Variants in LRRTM4 observed in about 807,000 individuals in gnomAD.
LRRTM4 encodes leucine rich repeat transmembrane neuronal 4.
LRRTM4 carries 25 observed loss-of-function variants against 47.6 expected under a neutral mutation model. The observed-to-expected ratio is 0.53, with a 90% CI of 0.38 to 0.73. The LOEUF is 0.73. Ranked by LOEUF, LRRTM4 falls within the 30% of genes least tolerant of loss-of-function variation. The pLI is 0.00. For synonymous variants in LRRTM4, 311 were observed against 269.5 expected, an observed-to-expected ratio of 1.15 and a Z score of -1.51; for missense variants, 638 against 713.4, an observed-to-expected ratio of 0.89 and a Z score of 1.20.
At chr2:77,440,407 C>T (rs1451826283) in intron 3 of LRRTM4, among the ~76,000 whole-genome samples, 1 of 151,894 alleles carries the variant, frequency 6.6e-6, no homozygotes, top group African/African-American at 2.4e-5. Context: ...GAGTGAGACT[C>T]CGCCTCAAAA....
intron 3 of LRRTM4, among the ~76,000 whole-genome samples, chr2:77,456,987 A>AGT (rs1676570709): frequency 3.1e-5 from 3 of 96,144 alleles, no homozygotes. Context: ...TGTATATATT[A>AGT]GTGTATGTGT....
rs146311234 is a variant in LRRTM4, at chr2:77,442,744, G to T, written c.1551+75574C>A. On this transcript the variant is annotated intron_variant, in intron 3 of 3. Coordinates refer to ENST00000409884, the MANE Select transcript of LRRTM4 (RefSeq NM_001134745.3). Reference sequence around the variant, plus strand: ...GTGAGCAACAAAAGCTACTTTTCTTGCTGATAGCACTTGGTGTTCAAGGCT... The same window carrying T: ...GTGAGCAACAAAAGCTACTTTTCTTTCTGATAGCACTTGGTGTTCAAGGCT... Among the ~76,000 whole-genome samples, 6 of 152,286 alleles carry T rather than the reference G, an allele frequency of 3.9e-5. No homozygotes were observed. In the East Asian group the frequency reaches 1.2e-3, roughly 29 times the overall value.
chr2:76,752,703 C>G (rs551208226), intron 3 of LRRTM4, among the ~76,000 whole-genome samples: 66 of 152,272 alleles, frequency 4.3e-4, no homozygotes, highest in Admixed American at 9.2e-4. Flanking sequence ...AGGCTGAGGT[C>G]TTGTACTTTA....
chr2:77,411,513 C>T (rs1291906775), intron 3 of LRRTM4, among the ~76,000 whole-genome samples: 7 of 134,370 alleles, frequency 5.2e-5, no homozygotes, highest in Non-Finnish European at 7.7e-5. Context: ...GGTGCAGTGG[C>T]GTGATCTCGG....
intron 3 of LRRTM4, among the ~76,000 whole-genome samples, chr2:77,160,403 C>G (rs1398541421): frequency 1.3e-5 from 2 of 151,810 alleles, no homozygotes; most frequent in Admixed American, 6.6e-5. Flanking sequence ...GATCTAGAGG[C>G]TAAATTAGAG....
intron 3 of LRRTM4, among the ~76,000 whole-genome samples, chr2:77,269,535 G>A (rs1264157014): frequency 6.6e-6 from 1 of 152,012 alleles, no homozygotes; most frequent in African/African-American, 2.4e-5. Flanking sequence ...GAATTAAACT[G>A]TCTGCTAAAC....
chr2:77,253,358 C>A (rs1271186667), intron 3 of LRRTM4, among the ~76,000 whole-genome samples: 1 of 152,022 alleles, frequency 6.6e-6, no homozygotes, highest in Non-Finnish European at 1.5e-5. Context: ...AAAGAGGGTT[C>A]TCTCTTCTAC....
intron 3 of LRRTM4, among the ~76,000 whole-genome samples, chr2:76,924,667 A>C (rs1418070235): frequency 6.6e-6 from 1 of 151,966 alleles, no homozygotes; most frequent in Non-Finnish European, 1.5e-5. Flanking sequence ...CAAATTTTGC[A>C]TTGGCTTATG....
At chr2:77,172,392 C>T (rs1029377520) in intron 3 of LRRTM4, among the ~76,000 whole-genome samples, 19 of 152,028 alleles carry the variant, frequency 1.2e-4, no homozygotes, top group African/African-American at 4.1e-4. Flanking sequence ...ATCAGGAGTT[C>T]GAGACTAGCC....
At position 76,974,225 on chromosome 2, in the gene LRRTM4, T is replaced by TATATATATATATACAC. The variant is rs1226423130; in HGVS notation, c.1552-225310_1552-225309insGTGTATATATATATAT. Among the ~76,000 whole-genome samples the TATATATATATATACAC allele has an allele frequency of 9.1e-5, 9 of 99,066 alleles. No individual in the cohort carries two copies. In the South Asian group the frequency reaches 2.4e-3, roughly 26 times the overall value. 65.0% of individuals were successfully genotyped at this position (99,066 alleles called of 152,430 possible). A position where few individuals can be genotyped will look rare whatever the true frequency, so the allele number is the denominator to read the frequency against. On this transcript the variant is annotated intron_variant, in intron 3 of 3. Coordinates refer to ENST00000409884, the MANE Select transcript of LRRTM4 (RefSeq NM_001134745.3). ...ATATATATATACACATATATATACATACATATATATATATACATATATATA... is the reference window on the plus strand; with the variant it reads ...ATATATATATACACATATATATACATATATATATATATACACACATATATATATATACATATATATA...
chr2:76,762,069 C>T (rs1346342102), intron 3 of LRRTM4, among the ~76,000 whole-genome samples: 1 of 152,190 alleles, frequency 6.6e-6, no homozygotes, highest in African/African-American at 2.4e-5. Context: ...CCCCCAACTA[C>T]AGCCGCTACC....
intron 3 of LRRTM4, among the ~76,000 whole-genome samples, chr2:76,777,188 A>G (rs893023155): frequency 6.6e-6 from 1 of 150,662 alleles, no homozygotes; most frequent in African/African-American, 2.4e-5. Context: ...GAAGTCAGGG[A>G]GTGTGATGCA....
chr2:76,808,522 A>C (rs1670631109), intron 3 of LRRTM4, among the ~76,000 whole-genome samples: 1 of 152,068 alleles, frequency 6.6e-6, no homozygotes, highest in African/African-American at 2.4e-5. Flanking sequence ...AAAGAAACAC[A>C]ATCACAATTT....
chr2:77,081,586 A>T (rs1680535591), intron 3 of LRRTM4, among the ~76,000 whole-genome samples: 1 of 152,112 alleles, frequency 6.6e-6, no homozygotes, highest in Non-Finnish European at 1.5e-5. Flanking sequence ...CACTTTCACA[A>T]ATTTTATTGT....
intron 3 of LRRTM4, among the ~76,000 whole-genome samples, chr2:76,921,176 G>C (rs1674422271): frequency 6.6e-6 from 1 of 152,110 alleles, no homozygotes; most frequent in Non-Finnish European, 1.5e-5. Context: ...TCTTGGCTAT[G>C]ACAGTTTCTC....
intron 3 of LRRTM4, among the ~76,000 whole-genome samples, chr2:77,100,594 C>A (rs1200342301): frequency 6.6e-6 from 1 of 152,032 alleles, no homozygotes; most frequent in African/African-American, 2.4e-5. Flanking sequence ...TTAAAAGCCT[C>A]TTCACAAGTA....
At chr2:77,238,552 TA>T (rs112239929) in intron 3 of LRRTM4, among the ~76,000 whole-genome samples, 22,943 of 151,806 alleles carry the variant, frequency 0.15, 2,902 homozygotes, top group African/African-American at 0.33. Context: ...AGGCACAAAG[TA>T]AACAAGCAAG....
intron 3 of LRRTM4, among the ~76,000 whole-genome samples, chr2:77,196,924 T>A (rs1049092312): frequency 4.6e-5 from 7 of 152,164 alleles, no homozygotes; most frequent in Admixed American, 6.6e-5. Flanking sequence ...TATGTTTTTT[T>A]AATTTTTTTC....
intron 3 of LRRTM4, among the ~76,000 whole-genome samples, chr2:76,907,555 C>G (rs1673891427): frequency 6.9e-6 from 1 of 145,746 alleles, no homozygotes; most frequent in South Asian, 2.3e-4. Flanking sequence ...AATCCAGGAG[C>G]TGGTTTTTTG....
Sources: gnomAD v4.1 joint callset for allele counts (sites outside exome capture counted in the v4.1 genomes callset) on GRCh38, gnomAD v4.1.1 for gene constraint, MANE v1.5 for transcripts, NCBI Gene and HGNC (gene_info 2026-07-23, HGNC 2026-07-21) for gene names.